Variants in SLC25A21 observed in about 807,000 individuals in gnomAD.
SLC25A21 encodes the protein mitochondrial 2-oxodicarboxylate carrier.
A neutral mutation model predicts 43.8 loss-of-function variants in SLC25A21; 47 were observed. That is an observed-to-expected ratio of 1.07 (90% confidence interval 0.85 to 1.37). The LOEUF (loss-of-function observed/expected upper bound fraction) is 1.37, where lower values mean the gene tolerates loss of function less well. Ranked by LOEUF, SLC25A21 falls within the 40% of genes most tolerant of loss-of-function variation. The pLI is 0.00. For missense variants in SLC25A21, 352 were observed against 350.2 expected (o/e 1.00, Z -0.04); for synonymous variants, 131 against 121.3 (o/e 1.08, Z -0.52).
At chr14:37,086,656 C>T (rs1190858298) in intron 1 of SLC25A21, among the ~76,000 whole-genome samples, 2 of 152,126 alleles carry the variant, frequency 1.3e-5, no homozygotes, top group East Asian at 1.9e-4. Flanking sequence ...CTTATCCTCT[C>T]GATACCTCCA....
intron 1 of SLC25A21, among the ~76,000 whole-genome samples, chr14:37,103,809 T>C (rs989077457): frequency 2.6e-5 from 4 of 152,208 alleles, no homozygotes; most frequent in African/African-American, 9.6e-5. Context: ...TTCTACCTGC[T>C]TCTCAGGATG....
At chr14:37,011,557 T>C (rs1292392481) in intron 1 of SLC25A21, among the ~76,000 whole-genome samples, 1 of 152,224 alleles carries the variant, frequency 6.6e-6, no homozygotes, top group African/African-American at 2.4e-5. Flanking sequence ...CCTTGATGTC[T>C]GGTGTAAGGA....
At chr14:36,825,688 T>C (rs1238937649) in intron 2 of SLC25A21, among the ~76,000 whole-genome samples, 2 of 152,192 alleles carry the variant, frequency 1.3e-5, no homozygotes, top group African/African-American at 2.4e-5. Flanking sequence ...CTTTAGAAAA[T>C]AACTCTCTGT....
chr14:36,855,718 G>C (rs1182240278), intron 2 of SLC25A21, among the ~76,000 whole-genome samples: 2 of 152,170 alleles, frequency 1.3e-5, no homozygotes, highest in Non-Finnish European at 2.9e-5. Context: ...CTCCCCATGT[G>C]TGGAGCAACT....
At position 37,170,929 on chromosome 14, in the gene SLC25A21, A is replaced by AT. The variant is rs1392842482; in HGVS notation, c.70+1351dup. Among the ~76,000 whole-genome samples the AT allele has an allele frequency of 4.3e-3, 56 of 13,134 alleles. No individual in the cohort carries two copies. In the East Asian group the frequency reaches 0.065, roughly 15 times the overall value. The allele number at this position is 13,134 out of a possible 152,430, so 8.6% of individuals were successfully genotyped here. A position where few individuals can be genotyped will look rare whatever the true frequency, so the allele number is the denominator to read the frequency against. Reference sequence around the variant, plus strand: ...GCGAAAGCCCGTCTCTACAAAAAAAATTAAAAAAAAAAATAGCCGGCATGG... The same window carrying AT: ...GCGAAAGCCCGTCTCTACAAAAAAAATTTAAAAAAAAAAATAGCCGGCATGG... On this transcript the variant is annotated intron_variant, in intron 1 of 9. Coordinates refer to ENST00000331299, the MANE Select transcript of SLC25A21 (RefSeq NM_030631.4).
At chr14:37,077,708 T>G (rs1190444566) in intron 1 of SLC25A21, among the ~76,000 whole-genome samples, 1 of 152,226 alleles carries the variant, frequency 6.6e-6, no homozygotes, top group East Asian at 1.9e-4. Flanking sequence ...TACATATGTG[T>G]GTATACATGA....
At chr14:37,141,107 C>T (rs57011324) in intron 1 of SLC25A21, among the ~76,000 whole-genome samples, 3,482 of 151,854 alleles carry the variant, frequency 0.023, 123 homozygotes, top group Admixed American at 0.092. Context: ...ATCACGCCAC[C>T]GCACTCCAGC....
intron 1 of SLC25A21, among the ~76,000 whole-genome samples, chr14:36,929,922 G>A (rs1892242957): frequency 6.6e-6 from 1 of 152,152 alleles, no homozygotes; most frequent in Admixed American, 6.6e-5. Flanking sequence ...AAGCCGTGTA[G>A]CTTCCACCTG....
chr14:36,977,734 A>G (rs1453563301), intron 1 of SLC25A21, among the ~76,000 whole-genome samples: 1 of 152,178 alleles, frequency 6.6e-6, no homozygotes, highest in East Asian at 1.9e-4. Context: ...ATTACTGTCA[A>G]AAAGGGATAG....
chr14:36,698,621 C>CT (rs1489559384), intron 7 of SLC25A21, among the ~76,000 whole-genome samples: 1 of 152,086 alleles, frequency 6.6e-6, no homozygotes, highest in Non-Finnish European at 1.5e-5. Flanking sequence ...TCTTTTTACT[C>CT]TTTTTTTCTC....
At chr14:37,045,494 C>T (rs1216313757) in intron 1 of SLC25A21, among the ~76,000 whole-genome samples, 3 of 152,186 alleles carry the variant, frequency 2.0e-5, no homozygotes, top group South Asian at 2.1e-4. Flanking sequence ...TAGGTTTCTT[C>T]GAGAACCACA....
At chr14:37,111,497 C>T (rs1020025058) in intron 1 of SLC25A21, among the ~76,000 whole-genome samples, 3 of 152,092 alleles carry the variant, frequency 2.0e-5, no homozygotes, top group Non-Finnish European at 4.4e-5. Flanking sequence ...TACATTCTGG[C>T]TACTGGGGCC....
chr14:36,819,502 T>C (rs946698610), intron 2 of SLC25A21, among the ~76,000 whole-genome samples: 1 of 152,166 alleles, frequency 6.6e-6, no homozygotes, highest in African/African-American at 2.4e-5. Context: ...AGCATAGATA[T>C]ACCACTTCCA....
intron 1 of SLC25A21, among the ~76,000 whole-genome samples, chr14:36,969,383 C>CAGTA (rs1959697843): frequency 6.6e-6 from 1 of 152,114 alleles, no homozygotes; most frequent in South Asian, 2.1e-4. Flanking sequence ...TTACAGGCCA[C>CAGTA]AGTAAATCTA....
At chr14:37,148,036 C>T (rs1963698400) in intron 1 of SLC25A21, among the ~76,000 whole-genome samples, 1 of 151,872 alleles carries the variant, frequency 6.6e-6, no homozygotes, top group Non-Finnish European at 1.5e-5. Flanking sequence ...CGGGGTTTCT[C>T]CATGTTGGTC....
At chr14:37,123,143 A>G (rs1963238932) in intron 1 of SLC25A21, among the ~76,000 whole-genome samples, 1 of 152,214 alleles carries the variant, frequency 6.6e-6, no homozygotes, top group South Asian at 2.1e-4. Flanking sequence ...CAGCATTTGG[A>G]AAAAGAAAAT....
intron 1 of SLC25A21, among the ~76,000 whole-genome samples, chr14:36,948,302 GTA>G (rs1324530547): frequency 6.6e-6 from 1 of 152,134 alleles, no homozygotes. Flanking sequence ...TTCTTAGTTG[GTA>G]TATAGCTTTA....
At chr14:36,786,618 C>T (rs1207069454) in intron 3 of SLC25A21, among the ~76,000 whole-genome samples, 3 of 152,206 alleles carry the variant, frequency 2.0e-5, no homozygotes, top group African/African-American at 7.2e-5. Flanking sequence ...CTTTGCAAGG[C>T]TCTTCCTTTG....
intron 2 of SLC25A21, 144 bp downstream of exon 2, chr14:36,874,812 A>C (rs1013716784): frequency 1.8e-6 from 1 of 559,262 alleles, no homozygotes; most frequent in Admixed American, 3.6e-5. Flanking sequence ...TATCTGTCAA[A>C]TAGTACTTTC....
Sources: gnomAD v4.1 joint callset for allele counts (sites outside exome capture counted in the v4.1 genomes callset) on GRCh38, gnomAD v4.1.1 for gene constraint, MANE v1.5 for transcripts, NCBI Gene and HGNC (gene_info 2026-07-23, HGNC 2026-07-21) for gene names.